RAB35: variants seen among roughly 807,000 people sequenced by gnomAD.
The protein encoded by RAB35 is ras-related protein Rab-35.
Under a neutral mutation model 28.9 loss-of-function variants are expected in RAB35, and 4 were observed. The observed-to-expected ratio is 0.14, with a 90% confidence interval of 0.07 to 0.32. RAB35 has a LOEUF of 0.32. RAB35 is among the 10% of genes least tolerant of loss of function. The pLI, the probability that RAB35 is intolerant of heterozygous loss-of-function variation, is 1.00. For missense variants in RAB35, 128 were observed against 274.0 expected, an observed-to-expected ratio of 0.47 and a Z score of 3.76; for synonymous variants, 99 against 105.1, an observed-to-expected ratio of 0.94 and a Z score of 0.35.
intron 5 of RAB35, 111 bp downstream of exon 5, chr12:120,098,700 G>A: frequency 6.9e-7 from 1 of 1,458,092 alleles, no homozygotes; most frequent in Non-Finnish European, 9.3e-7. Context: ...CTCAATAAAT[G>A]GCAGTTACTA....
At chr12:120,107,177 C>A (rs144484002) in intron 2 of RAB35, among the ~76,000 whole-genome samples, 2,471 of 151,470 alleles carry the variant, frequency 0.016, 80 homozygotes, top group African/African-American at 0.058. Flanking sequence ...TTAGTAGAGA[C>A]GGGGTTTCAC....
At chr12:120,113,111 C>G (rs910478856) in intron 1 of RAB35, among the ~76,000 whole-genome samples, 8 of 150,862 alleles carry the variant, frequency 5.3e-5, no homozygotes, top group African/African-American at 2.0e-4. Flanking sequence ...AGGCTGGTCT[C>G]GAATTCCTGA....
intron 3 of RAB35, 107 bp from the exon 4 acceptor site, chr12:120,099,261 GC>G: frequency 6.9e-7 from 1 of 1,447,266 alleles, no homozygotes; most frequent in Non-Finnish European, 9.4e-7. Context: ...GGTGAGGGTG[GC>G]CCTGGAGCCT....
intron 1 of RAB35, 111 bp downstream of exon 1, chr12:120,116,484 GCCCC>G: frequency 1.5e-6 from 1 of 682,756 alleles, no homozygotes; most frequent in South Asian, 6.6e-5. Context: ...CCGCCGGGCT[GCCCC>G]GCCCGCCCGC....
At position 120,097,104 on chromosome 12, in the gene RAB35, C is replaced by A; in HGVS notation, c.*141G>T. 1.9e-6 allele frequency: 3 copies of A among 1,586,464 alleles called. No individual in the cohort carries two copies. The highest frequency in any genetic ancestry group is 2.6e-6 in the Non-Finnish European group (3 of 1,171,524). On this transcript the variant is annotated 3_prime_UTR_variant, in exon 6 of 6. Transcript: ENST00000229340. ...TCGAGGAGGGCGGGGGAGGAAGTGC[C>A]GATGGCACCTCCCGATACAAAAACA... is the stretch of plus-strand genomic sequence containing the variant.
intron 5 of RAB35, among the ~76,000 whole-genome samples, chr12:120,098,559 G>A (rs1875529123): frequency 6.6e-6 from 1 of 152,256 alleles, no homozygotes; most frequent in African/African-American, 2.4e-5. Context: ...TAGCCAGGTG[G>A]TGGTCCTTGA....
At chr12:120,108,645 C>G (rs1403432921) in intron 1 of RAB35, 178 bp from the exon 2 acceptor site, 1 of 704,190 alleles carries the variant, frequency 1.4e-6, no homozygotes, top group Admixed American at 2.0e-5. Context: ...AACATCTCTT[C>G]CACTCGATCC....
intron 1 of RAB35, among the ~76,000 whole-genome samples, chr12:120,113,243 C>T (rs1876194180): frequency 6.9e-6 from 1 of 145,372 alleles, no homozygotes; most frequent in Non-Finnish European, 1.5e-5. Context: ...CTATGTTGCT[C>T]TCACTATGGT....
intron 2 of RAB35, among the ~76,000 whole-genome samples, chr12:120,105,426 A>T (rs1875830561): frequency 6.6e-6 from 1 of 152,202 alleles, no homozygotes; most frequent in Non-Finnish European, 1.5e-5. Context: ...GGTAGGAGGA[A>T]GCCAGAAAGG....
In RAB35 at chr12:120,101,958, A is replaced by AC. The variant is rs143882984; in HGVS notation, c.227+1867dup. On this transcript the variant is annotated intron_variant, in intron 3 of 5. Transcript: ENST00000229340. ...GCTCCTCCTGCTGAAAGAGCCTCGGACCCCCCAGGCCCCACTGCCCTGCCC... is the reference window on the plus strand; with the variant it reads ...GCTCCTCCTGCTGAAAGAGCCTCGGACCCCCCCAGGCCCCACTGCCCTGCCC... Among the ~76,000 whole-genome samples the AC allele has an allele frequency of 5.9e-3, 894 of 151,822 alleles. 10 individuals are homozygous for AC. Among genetic ancestry groups the AC allele is most frequent in the African/African-American group, 0.02 (816 of 41,360 alleles).
chr12:120,112,622 GCCTC>G (rs1258240391), intron 1 of RAB35, among the ~76,000 whole-genome samples: 2 of 151,244 alleles, frequency 1.3e-5, no homozygotes, highest in African/African-American at 2.4e-5. Context: ...TTGAGACAGG[GCCTC>G]CCTATGTTGC....
chr12:120,108,932 G>C (rs1051004667), intron 1 of RAB35, among the ~76,000 whole-genome samples: 3 of 152,212 alleles, frequency 2.0e-5, no homozygotes, highest in Non-Finnish European at 2.9e-5. Context: ...AGATCATCAG[G>C]GCTATTTTGC....
intron 1 of RAB35, among the ~76,000 whole-genome samples, chr12:120,115,006 G>A (rs930121941): frequency 3.3e-5 from 5 of 152,180 alleles, no homozygotes; most frequent in African/African-American, 1.2e-4. Flanking sequence ...TCAAGACCCT[G>A]AAGAATACCA....
intron 1 of RAB35, among the ~76,000 whole-genome samples, chr12:120,114,609 A>C (rs1024457077): frequency 4.6e-4 from 70 of 152,212 alleles, no homozygotes; most frequent in Non-Finnish European, 1.3e-4. Flanking sequence ...GGGAGAAATC[A>C]AAGAGCACAG....
chr12:120,108,514 C>T, intron 1 of RAB35, 47 bp from the exon 2 acceptor site: 1 of 1,554,060 alleles, frequency 6.4e-7, no homozygotes, highest in Non-Finnish European at 8.9e-7. Context: ...TGGGTCCCCT[C>T]CCCGCAGCCC....
At chr12:120,107,275 C>A (rs183534091) in intron 2 of RAB35, among the ~76,000 whole-genome samples, 2 of 152,170 alleles carry the variant, frequency 1.3e-5, no homozygotes, top group African/African-American at 2.4e-5. Context: ...GTGTGAGCCA[C>A]CGCACCCGGC....
chr12:120,099,437 G>A, intron 3 of RAB35: 1 of 511,180 alleles, frequency 2.0e-6, no homozygotes, highest in South Asian at 2.7e-5. Context: ...CTGCTGTTCA[G>A]AGTCTGCTGC....
Position 120,109,002 on chromosome 12 carries a change from T to C in RAB35, c.53-535A>G, listed in dbSNP as rs144525138. Among the ~76,000 whole-genome samples the C allele has an allele frequency of 3.2e-3, 485 of 152,332 alleles. 2 individuals carry two copies. The highest frequency in any genetic ancestry group is 0.011 in the African/African-American group (459 of 41,572). On this transcript the variant is annotated intron_variant, in intron 1 of 5. Coordinates refer to ENST00000229340, the MANE Select transcript of RAB35 (RefSeq NM_006861.7). ...CAATGGCTACCATCTTTCTGGCTGA[T>C]GTCCCCGCCGGGTGGGCTGGTGGAG... is the stretch of plus-strand genomic sequence containing the variant.
At position 120,111,078 on chromosome 12, in the gene RAB35, A is replaced by G. The variant is rs1361638870; in HGVS notation, c.53-2611T>C. 5.5e-4 allele frequency among the ~76,000 whole-genome samples: 84 copies of G among 152,218 alleles called. 1 individual carries two copies. Among genetic ancestry groups the G allele is most frequent in the Admixed American group, 5.5e-3 (84 of 15,292 alleles). On this transcript the variant is annotated intron_variant, in intron 1 of 5. Coordinates refer to ENST00000229340, the MANE Select transcript of RAB35 (RefSeq NM_006861.7). ...AGCCCTCGCCTCACCCGCCCTGTGC[A>G]TTCACAGTGCTGTAAGCCAGGCCCA...
Sources: allele counts gnomAD v4.1 joint callset (sites outside exome capture counted in the v4.1 genomes callset), GRCh38; gene constraint gnomAD v4.1.1; transcripts MANE v1.5; gene names NCBI Gene and HGNC (gene_info 2026-07-23, HGNC 2026-07-21).